The following NOL4 variants were observed in gnomAD, a reference collection of about 807,000 sequenced individuals.
NOL4 encodes the protein cancer/testis antigen 125.
NOL4 carries 17 observed loss-of-function variants against 75.9 expected under a neutral mutation model. The ratio of observed to expected loss-of-function variants is 0.22; its 90% confidence interval spans 0.15 to 0.34. NOL4 has a LOEUF of 0.34. NOL4 is among the 10% of genes least tolerant of loss of function. The pLI is 1.00. For missense variants in NOL4, 614 were observed against 793.5 expected (o/e 0.77, Z 2.72); for synonymous variants, 292 against 289.9 (o/e 1.01, Z -0.07).
intron 1 of NOL4, among the ~76,000 whole-genome samples, chr18:34,194,532 T>C (rs2035181362): frequency 6.6e-6 from 1 of 151,996 alleles, no homozygotes; most frequent in Admixed American, 6.6e-5. Flanking sequence ...ATTGGATTTA[T>C]TAAATTACCT....
chr18:33,941,568 T>C (rs950228692), intron 9 of NOL4, among the ~76,000 whole-genome samples: 3 of 151,892 alleles, frequency 2.0e-5, no homozygotes, highest in Non-Finnish European at 4.4e-5. Flanking sequence ...ATCAGTCTTT[T>C]CTAGACTGAA....
At chr18:34,153,165 ATTTCT>A (rs201326703) in intron 1 of NOL4, among the ~76,000 whole-genome samples, 1,557 of 151,956 alleles carry the variant, frequency 0.01, 10 homozygotes, top group Middle Eastern at 0.021. Flanking sequence ...CCATGTACTC[ATTTCT>A]TTTCGATACA....
intron 2 of NOL4, among the ~76,000 whole-genome samples, chr18:34,120,273 G>A (rs552690128): frequency 6.6e-6 from 1 of 152,216 alleles, no homozygotes; most frequent in African/African-American, 2.4e-5. Flanking sequence ...TTTAAAGCAA[G>A]GCTTTCCAAC....
Position 34,175,330 on chromosome 18 carries a change from T to C in NOL4, c.265-45310A>G, listed in dbSNP as rs553576902. On this transcript the variant is annotated intron_variant, in intron 1 of 10. Coordinates refer to ENST00000261592, the MANE Select transcript of NOL4 (RefSeq NM_003787.5). ...TGAAAAACCTTCTCCTCAGCACCCA[T>C]GTAAAAAACAATTACAGGAAAATGT... Among the ~76,000 whole-genome samples the C allele has an allele frequency of 3.1e-4, 47 of 152,238 alleles. No individual in the cohort carries two copies. The South Asian group carries it at 9.5e-3, about 31-fold the overall frequency.
intron 5 of NOL4, among the ~76,000 whole-genome samples, chr18:34,078,883 C>G (rs1034163816): frequency 5.9e-5 from 9 of 152,228 alleles, no homozygotes; most frequent in African/African-American, 2.2e-4. Context: ...ATGGTAATTT[C>G]TGGCCTCTGC....
At chr18:34,100,541 A>T (rs1021201670) in intron 4 of NOL4, among the ~76,000 whole-genome samples, 2 of 152,182 alleles carry the variant, frequency 1.3e-5, no homozygotes, top group Non-Finnish European at 2.9e-5. Context: ...ATAATACATT[A>T]CTGTAGACAT....
chr18:33,903,669 C>A (rs2065869240), intron 9 of NOL4, among the ~76,000 whole-genome samples: 1 of 152,146 alleles, frequency 6.6e-6, no homozygotes, highest in Non-Finnish European at 1.5e-5. Flanking sequence ...GTGCCTCTAT[C>A]TATATCCTTG....
At chr18:34,139,204 G>A (rs1356058768) in intron 1 of NOL4, among the ~76,000 whole-genome samples, 1 of 152,176 alleles carries the variant, frequency 6.6e-6, no homozygotes, top group African/African-American at 2.4e-5. Flanking sequence ...AATGAGTTAG[G>A]GAGGATTCCC....
At chr18:34,207,640 C>T (rs897989984) in intron 1 of NOL4, among the ~76,000 whole-genome samples, 3 of 152,204 alleles carry the variant, frequency 2.0e-5, no homozygotes, top group Admixed American at 6.5e-5. Flanking sequence ...CTCACACTCT[C>T]TAATTCCCAA....
chr18:33,909,956 G>A (rs1382136343), intron 9 of NOL4, among the ~76,000 whole-genome samples: 2 of 152,136 alleles, frequency 1.3e-5, no homozygotes, highest in Admixed American at 6.5e-5. Context: ...CATGTAAACC[G>A]ATAAGCCATC....
chr18:34,188,530 C>T (rs567531503), intron 1 of NOL4, among the ~76,000 whole-genome samples: 1 of 152,276 alleles, frequency 6.6e-6, no homozygotes, highest in African/African-American at 2.4e-5. Flanking sequence ...GTTAAATCTG[C>T]TCAGAACACT....
chr18:33,981,019 A>C (rs1179457698), intron 6 of NOL4, among the ~76,000 whole-genome samples: 1 of 152,062 alleles, frequency 6.6e-6, no homozygotes, highest in African/African-American at 2.4e-5. Context: ...AATTTTGAGA[A>C]AATTAAAAAA....
At chr18:34,157,136 T>C (rs1035276332) in intron 1 of NOL4, 3 of 152,160 alleles carry the variant, frequency 2.0e-5, no homozygotes, top group African/African-American at 7.2e-5. Flanking sequence ...TAGAGTACTC[T>C]TCTCAGCTCT....
At chr18:33,981,091 ACTGGACATGG>A (rs1324670909) in intron 6 of NOL4, among the ~76,000 whole-genome samples, 4 of 152,174 alleles carry the variant, frequency 2.6e-5, no homozygotes, top group African/African-American at 9.6e-5. Context: ...TCATTAGTAG[ACTGGACATGG>A]CTGTGGAAAG....
intron 6 of NOL4, among the ~76,000 whole-genome samples, chr18:33,959,523 T>A (rs546055267): frequency 1.3e-5 from 2 of 152,212 alleles, no homozygotes; most frequent in East Asian, 3.9e-4. Flanking sequence ...ACCATAACAT[T>A]GATCAATCTT....
chr18:33,890,667 A>G (rs190102599), intron 9 of NOL4, among the ~76,000 whole-genome samples: 63 of 152,244 alleles, frequency 4.1e-4, no homozygotes, highest in Admixed American at 1.1e-3. Flanking sequence ...GGCAAACAAT[A>G]TATGTTTCCT....
At chr18:33,900,401 G>A (rs914432003) in intron 9 of NOL4, among the ~76,000 whole-genome samples, 3 of 152,032 alleles carry the variant, frequency 2.0e-5, no homozygotes, top group East Asian at 1.9e-4. Flanking sequence ...ATGAGATATG[G>A]AGTGGACAAA....
At chr18:34,120,603 T>C (rs955724139) in intron 2 of NOL4, among the ~76,000 whole-genome samples, 1 of 152,168 alleles carries the variant, frequency 6.6e-6, no homozygotes, top group Non-Finnish European at 1.5e-5. Flanking sequence ...TATTTTTAGA[T>C]AGTTCAAGTC....
At chr18:34,211,116 G>A (rs2036486384) in intron 1 of NOL4, among the ~76,000 whole-genome samples, 1 of 39,490 alleles carries the variant, frequency 2.5e-5, no homozygotes, top group Non-Finnish European at 7.4e-5. Flanking sequence ...AGGAAAGAAG[G>A]AAGGAAGGAA....
Sources: allele counts gnomAD v4.1 joint callset (sites outside exome capture counted in the v4.1 genomes callset), GRCh38; gene constraint gnomAD v4.1.1; transcripts MANE v1.5; gene names NCBI Gene and HGNC (gene_info 2026-07-23, HGNC 2026-07-21).